Variants in STXBP4 observed in about 807,000 individuals in gnomAD.
STXBP4 encodes syntaxin binding protein 4, also known as syntaxin-binding protein 4.
A neutral mutation model predicts 76.1 loss-of-function variants in STXBP4; 55 were observed. The ratio of observed to expected loss-of-function variants is 0.72; its 90% CI spans 0.58 to 0.91. The LOEUF is 0.91. STXBP4 is among the 40% of genes least tolerant of loss of function. STXBP4 has a pLI of 0.00. For missense variants in STXBP4, 618 were observed against 636.9 expected (o/e 0.97, Z 0.32); for synonymous variants, 201 against 220.2 (o/e 0.91, Z 0.77).
intron 12 of STXBP4, among the ~76,000 whole-genome samples, chr17:55,048,336 G>A (rs1335583585): frequency 6.6e-6 from 1 of 151,846 alleles, no homozygotes; most frequent in Non-Finnish European, 1.5e-5. Flanking sequence ...AGAAGAAACT[G>A]CACAGAAGAG....
chr17:55,192,009 A>G, the STXBP4 span, among the ~76,000 whole-genome samples: 1 of 152,242 alleles, frequency 6.6e-6, no homozygotes, highest in Non-Finnish European at 1.5e-5. Flanking sequence ...TTTATTATAA[A>G]GGATATAACT....
At chr17:55,181,668 C>A in the STXBP4 span, among the ~76,000 whole-genome samples, 1 of 152,130 alleles carries the variant, frequency 6.6e-6, no homozygotes, top group South Asian at 2.1e-4. Flanking sequence ...TAAAAATAAT[C>A]GCTAAAGTCA....
At chr17:55,147,074 A>G (rs2080165336) in intron 17 of STXBP4, among the ~76,000 whole-genome samples, 1 of 152,260 alleles carries the variant, frequency 6.6e-6, no homozygotes, top group Non-Finnish European at 1.5e-5. Flanking sequence ...GCCACTTCAC[A>G]GTGTATGTAA....
At chr17:55,152,974 C>G (rs993651225) in intron 17 of STXBP4, among the ~76,000 whole-genome samples, 2 of 152,132 alleles carry the variant, frequency 1.3e-5, no homozygotes, top group Admixed American at 6.6e-5. Flanking sequence ...TATATTGTTA[C>G]TGACACCAAC....
intron 12 of STXBP4, among the ~76,000 whole-genome samples, chr17:55,069,214 G>C (rs1184927372): frequency 6.7e-6 from 1 of 149,424 alleles, no homozygotes; most frequent in Non-Finnish European, 1.5e-5. Context: ...TTCCCTTCTA[G>C]TATGTTTGCT....
At chr17:55,081,858 A>G (rs2079259754) in intron 16 of STXBP4, among the ~76,000 whole-genome samples, 1 of 152,172 alleles carries the variant, frequency 6.6e-6, no homozygotes, top group South Asian at 2.1e-4. Context: ...CAATGCTCTA[A>G]GTAACTTCCA....
chr17:54,977,401 T>C (rs1328870790), intron 1 of STXBP4, among the ~76,000 whole-genome samples: 2 of 152,166 alleles, frequency 1.3e-5, no homozygotes, highest in African/African-American at 4.8e-5. Context: ...CCCTAAATAA[T>C]ATAGCATAAC....
rs367883278 is a variant in STXBP4, at chr17:55,036,737, AT to A, written c.855+2483del. ...AAGCAGGAGAATAGATATGTTACAT[AT>A]TTTTAATAACTTTTTCTTTTAGTTC... On this transcript the variant is annotated intron_variant, in intron 10 of 17. Transcript: ENST00000376352. Among the ~76,000 whole-genome samples, 223 of 152,170 alleles carry A rather than the reference AT, an allele frequency of 1.5e-3. 7 individuals carry two copies. The South Asian group carries it at 0.045, about 31-fold the overall frequency.
intron 16 of STXBP4, among the ~76,000 whole-genome samples, chr17:55,098,525 T>G (rs1396924251): frequency 6.6e-6 from 1 of 152,210 alleles, no homozygotes; most frequent in Non-Finnish European, 1.5e-5. Flanking sequence ...TTCATCCATG[T>G]GAGGCAGGAG....
chr17:55,024,907 G>A (rs577898246), intron 8 of STXBP4, among the ~76,000 whole-genome samples: 2 of 152,244 alleles, frequency 1.3e-5, no homozygotes, highest in South Asian at 4.1e-4. Flanking sequence ...GGAGGCCGAG[G>A]CAGGTGGATC....
chr17:55,078,839 G>A (rs551234474), intron 15 of STXBP4, 104 bp downstream of exon 15: 8,800 of 689,764 alleles, frequency 0.013, 111 homozygotes, highest in South Asian at 0.034. Flanking sequence ...GTCCTAAGGT[G>A]CTACATAACT....
chr17:55,115,356 GAAT>G (rs1344057078), intron 16 of STXBP4, among the ~76,000 whole-genome samples: 1 of 151,700 alleles, frequency 6.6e-6, no homozygotes, highest in African/African-American at 2.4e-5. Flanking sequence ...TATCAGTATA[GAAT>G]ATGGCTTTCT....
At chr17:55,193,482 A>G in the STXBP4 span, among the ~76,000 whole-genome samples, 1 of 152,118 alleles carries the variant, frequency 6.6e-6, no homozygotes, top group African/African-American at 2.4e-5. Context: ...ACCAGGATGT[A>G]TGAAAACAAA....
intron 12 of STXBP4, among the ~76,000 whole-genome samples, chr17:55,071,055 C>G (rs1244033877): frequency 2.0e-5 from 3 of 152,174 alleles, no homozygotes; most frequent in African/African-American, 7.2e-5. Context: ...CCAACTCCAC[C>G]ACTATCACCC....
intron 12 of STXBP4, among the ~76,000 whole-genome samples, chr17:55,055,466 G>T (rs2144796884): frequency 6.6e-6 from 1 of 152,234 alleles, no homozygotes; most frequent in Non-Finnish European, 1.5e-5. Context: ...TCCCACCTGT[G>T]TTGCTATTAT....
chr17:55,009,751 A>C (rs1035712347), intron 8 of STXBP4, among the ~76,000 whole-genome samples: 3 of 152,054 alleles, frequency 2.0e-5, no homozygotes, highest in Admixed American at 1.3e-4. Context: ...GTTTGAAACT[A>C]TATTTCTCTT....
the STXBP4 span, among the ~76,000 whole-genome samples, chr17:55,196,871 G>T: frequency 6.6e-6 from 1 of 152,234 alleles, no homozygotes; most frequent in Admixed American, 6.5e-5. Context: ...TCTGCAGAAT[G>T]ACATATAAAT....
chr17:55,197,635 C>T, the STXBP4 span, among the ~76,000 whole-genome samples: 5 of 151,742 alleles, frequency 3.3e-5, no homozygotes, highest in African/African-American at 9.7e-5. Flanking sequence ...CCCAGCTACT[C>T]GGGAGGCTGA....
chr17:55,149,328 T>C (rs2145171047), intron 17 of STXBP4, among the ~76,000 whole-genome samples: 1 of 150,940 alleles, frequency 6.6e-6, no homozygotes, highest in East Asian at 1.9e-4. Context: ...AAGCAATTGA[T>C]GGGGAAAAAA....
Sources: allele counts gnomAD v4.1 joint callset (sites outside exome capture counted in the v4.1 genomes callset), GRCh38; gene constraint gnomAD v4.1.1; transcripts MANE v1.5; gene names NCBI Gene and HGNC (gene_info 2026-07-23, HGNC 2026-07-21).